Variants in ENKUR observed in about 807,000 individuals in gnomAD.
ENKUR encodes enkurin.
In ENKUR, 19 loss-of-function variants were observed where a neutral mutation model predicts 27.6. The ratio of observed to expected loss-of-function variants is 0.69; its 90% CI spans 0.48 to 1.01. ENKUR has a LOEUF of 1.01. ENKUR is among the 50% of genes least tolerant of loss of function. ENKUR has a pLI of 0.00. For missense variants in ENKUR, 312 were observed against 310.5 expected (o/e 1.00, Z -0.04); for synonymous variants, 117 against 96.9 (o/e 1.21, Z -1.22).
chr10:25,027,375 A>C (rs1850875307), intron 2 of ENKUR, among the ~76,000 whole-genome samples: 1 of 145,540 alleles, frequency 6.9e-6, no homozygotes, highest in Admixed American at 7.0e-5. Context: ...AAAAAAAAAA[A>C]AAAAAAAAAA....
upstream of ENKUR, among the ~76,000 whole-genome samples, chr10:25,020,934 T>G (rs982644463): frequency 2.0e-5 from 3 of 152,220 alleles, no homozygotes; most frequent in Non-Finnish European, 2.9e-5. Flanking sequence ...GTTTGTGCTT[T>G]TAAAGTCCAG....
rs1293757188 is a variant in ENKUR at position 24,983,166 on chromosome 10, T to C, written c.*1204A>G. 6.6e-6 allele frequency: 1 copy of C among 151,644 alleles called. No homozygotes were observed. The highest frequency in any genetic ancestry group is 1.5e-5 in the Non-Finnish European group (1 of 67,904). The allele number at this position is 151,644 out of a possible 1,614,324, so 9.4% of individuals were successfully genotyped here. ...ACTTATACCCCTACCCTTAGTCACA[T>C]TGCACAGTGATGTAAATGAAAAATG... On this transcript the variant is annotated 3_prime_UTR_variant, in exon 6 of 6. Transcript: ENST00000331161.
chr10:24,991,494 A>G (rs1181728980), intron 3 of ENKUR, among the ~76,000 whole-genome samples: 9 of 152,028 alleles, frequency 5.9e-5, no homozygotes, highest in East Asian at 2.0e-4. Flanking sequence ...GGCTGTTGAC[A>G]GGGGCGTGCC....
rs116653770 is a variant in ENKUR at position 25,038,178 on chromosome 10, A to G, written c.37+22934T>C. Among the ~76,000 whole-genome samples, 775 of 152,304 alleles carry G rather than the reference A, an allele frequency of 5.1e-3. 5 individuals carry two copies. The highest frequency in any genetic ancestry group is 0.018 in the African/African-American group (734 of 41,562). The stretch of plus-strand genomic sequence containing the variant: ...TGTTTTGTTTATTATAGGATAGGGT[A>G]TCATAGGAAATGATGGTTTCCTTTT... On this transcript the variant is annotated intron_variant, in intron 2 of 5. Transcript: ENST00000615958.
chr10:25,054,482 T>TTTC (rs1412529969), intron 2 of ENKUR, among the ~76,000 whole-genome samples: 1 of 114,158 alleles, frequency 8.8e-6, no homozygotes, highest in Non-Finnish European at 1.9e-5. Flanking sequence ...TCTTTCTTTC[T>TTTC]TTCTTTCTTT....
chr10:25,051,686 C>T (rs11014363), intron 2 of ENKUR, among the ~76,000 whole-genome samples: 5,488 of 152,306 alleles, frequency 0.036, 134 homozygotes, highest in Non-Finnish European at 0.056. Flanking sequence ...CACAAGGCTC[C>T]GCCTCCGGTA....
chr10:25,017,010 C>T (rs1464718417), upstream of ENKUR, among the ~76,000 whole-genome samples: 2 of 152,188 alleles, frequency 1.3e-5, no homozygotes, highest in Non-Finnish European at 2.9e-5. Flanking sequence ...CCTCCGCCTG[C>T]TGCGCTCGCC....
chr10:24,996,833 T>C (rs1353660666), intron 2 of ENKUR, among the ~76,000 whole-genome samples: 1 of 152,194 alleles, frequency 6.6e-6, no homozygotes, highest in East Asian at 1.9e-4. Context: ...AGAATTCATA[T>C]GTTGAAGCCC....
At chr10:25,047,149 T>C (rs1293910045) in intron 2 of ENKUR, among the ~76,000 whole-genome samples, 4 of 152,182 alleles carry the variant, frequency 2.6e-5, no homozygotes, top group Admixed American at 2.0e-4. Context: ...ATTTTTCCTC[T>C]CATAAATGTA....
chr10:25,040,410 C>G (rs1256266028), intron 2 of ENKUR, among the ~76,000 whole-genome samples: 1 of 147,190 alleles, frequency 6.8e-6, no homozygotes, highest in East Asian at 2.1e-4. Context: ...CTCGCTCTCT[C>G]CCAGGCTGGA....
At chr10:25,051,513 C>T (rs1012522376) in intron 2 of ENKUR, among the ~76,000 whole-genome samples, 12 of 152,080 alleles carry the variant, frequency 7.9e-5, no homozygotes, top group African/African-American at 2.4e-4. Context: ...AGGGTGAAGG[C>T]GGAGCAGGCA....
chr10:25,021,362 G>A (rs7100581), intron 2 of ENKUR, among the ~76,000 whole-genome samples: 3,621 of 152,228 alleles, frequency 0.024, 138 homozygotes, highest in African/African-American at 0.082. Flanking sequence ...AGATAATATA[G>A]CCTAAAAAAC....
rs562222103 is a variant in ENKUR at position 25,023,873 on chromosome 10, T to C, written c.38-28004A>G. On this transcript the variant is annotated intron_variant, in intron 2 of 5. Transcript: ENST00000615958. ...CCAGAGGAGGTAGCTGACAAAGTGC[T>C]GAATGCAATTAAAAGATACCAAGAT... 1.9e-6 allele frequency: 3 copies of C among 1,614,210 alleles called. No homozygotes were observed. The East Asian group carries it at 6.7e-5, about 36-fold the overall frequency.
intron 2 of ENKUR, chr10:25,025,886 G>A (rs2132767269): frequency 5.9e-6 from 1 of 169,966 alleles, no homozygotes; most frequent in East Asian, 1.9e-4. Context: ...AATGGAGGAA[G>A]TAGTAAACTC....
At chr10:25,036,248 A>G (rs1045413812) in intron 2 of ENKUR, among the ~76,000 whole-genome samples, 2 of 152,118 alleles carry the variant, frequency 1.3e-5, no homozygotes, top group Admixed American at 6.5e-5. Flanking sequence ...CATGGTAGTA[A>G]TAAGTCTCAC....
At chr10:25,029,194 A>G (rs1033854862) in intron 2 of ENKUR, among the ~76,000 whole-genome samples, 2 of 152,198 alleles carry the variant, frequency 1.3e-5, no homozygotes, top group African/African-American at 2.4e-5. Context: ...TCTTAATAGC[A>G]TGTAAAACCA....
In ENKUR at chr10:25,015,866, G is replaced by C; in HGVS notation, c.71C>G (p.Pro24Arg). The C allele has an allele frequency of 1.9e-6, 3 of 1,605,542 alleles. No homozygotes were observed. The South Asian group carries it at 3.4e-5, about 18-fold the overall frequency. The change falls in exon 1 of 6, where the codon CCT becomes CGT. Residue 24 changes from proline to arginine, a missense_variant. Physicochemically the swap from Pro to Arg is moderately radical, Grantham distance 103. Transcript: ENST00000331161. ...IPSDLKEPPQ[P>R]PRYISIFKAT... ...TCTTTGCTTATCCACATACCTAGGAGGCTGGGGAGGCTCCTTCAAGTCACT... is the reference window on the plus strand; with the variant it reads ...TCTTTGCTTATCCACATACCTAGGACGCTGGGGAGGCTCCTTCAAGTCACT...
At chr10:24,996,649 C>A (rs1007337866) in intron 2 of ENKUR, among the ~76,000 whole-genome samples, 2 of 152,106 alleles carry the variant, frequency 1.3e-5, no homozygotes, top group African/African-American at 4.8e-5. Flanking sequence ...CTTGAAAATG[C>A]CTTTTCCAAT....
At chr10:24,998,002 C>T (rs1265279350) in intron 2 of ENKUR, among the ~76,000 whole-genome samples, 2 of 152,060 alleles carry the variant, frequency 1.3e-5, no homozygotes, top group Non-Finnish European at 2.9e-5. Flanking sequence ...GAGGAAGATA[C>T]AAAAGAGACT....
Sources: allele counts gnomAD v4.1 joint callset (sites outside exome capture counted in the v4.1 genomes callset), GRCh38; gene constraint gnomAD v4.1.1; transcripts MANE v1.5; gene names NCBI Gene and HGNC (gene_info 2026-07-23, HGNC 2026-07-21).